Variants in ANKRD50 observed in about 807,000 individuals in gnomAD.
ANKRD50 encodes the protein ankyrin repeat domain-containing protein 50.
ANKRD50 carries 40 observed loss-of-function variants against 112.0 expected under a neutral mutation model. The observed-to-expected ratio is 0.36, with a 90% CI of 0.28 to 0.46. ANKRD50 has a LOEUF of 0.46. ANKRD50 is among the 20% of genes least tolerant of loss of function. The pLI is 1.00. For synonymous variants in ANKRD50, 613 were observed against 619.1 expected (o/e 0.99, Z 0.15); for missense variants, 1,487 against 1,701.7 (o/e 0.87, Z 2.22).
chr4:124,687,829 T>G (rs1025708242), intron 2 of ANKRD50, among the ~76,000 whole-genome samples: 7 of 152,134 alleles, frequency 4.6e-5, no homozygotes, highest in African/African-American at 1.7e-4. Context: ...AGACACCTAT[T>G]AGAATTGTGC....
chr4:124,682,409 T>G (rs1441005960), intron 2 of ANKRD50, among the ~76,000 whole-genome samples: 1 of 151,900 alleles, frequency 6.6e-6, no homozygotes, highest in Admixed American at 6.6e-5. Context: ...TTAGGTTGAT[T>G]CGGTAACAGT....
Position 124,669,943 on chromosome 4 carries a change from G to A in ANKRD50, c.3334C>T (p.Pro1112Ser). 1 of 1,612,946 alleles carries A rather than the reference G, an allele frequency of 6.2e-7. No individual in the cohort carries two copies. The highest frequency in any genetic ancestry group is 8.5e-7 in the Non-Finnish European group (1 of 1,179,688). The change falls in exon 4 of 5, where the codon CCT (proline) becomes TCT (serine). Residue 1112 changes from proline (P) to serine (S), a missense_variant. This residue lies in a region of ANKRD50 where 441 missense variants were observed against 432.2 expected (regional missense o/e 1.02). Transcript: ENST00000504087. ...ASSLNGCSPS[P>S]VHTMEQKPLQ... ...GGTTTTTGCTCCATTGTGTGAACAG[G>A]AGATGGGGAACAGCCATTCAAACTA...
chr4:124,712,095 G>A (rs1391583687), intron 1 of ANKRD50, among the ~76,000 whole-genome samples: 2 of 152,142 alleles, frequency 1.3e-5, no homozygotes, highest in African/African-American at 2.4e-5. Flanking sequence ...ACCTCAGAGA[G>A]GCCACGAGCG....
rs974700422 is a variant in ANKRD50, at chr4:124,664,436, A to G, written c.*3082T>C. 2 of 152,368 alleles carry G rather than the reference A, an allele frequency of 1.3e-5. No homozygotes were observed. Among genetic ancestry groups the G allele is most frequent in the African/African-American group, 2.4e-5 (1 of 41,420 alleles). The allele number at this position is 152,368 out of a possible 1,614,324, so 9.4% of individuals were successfully genotyped here. Reference sequence around the variant, plus strand: ...ACTAACAGTTGTTTATGCTATATGCATATCATGCATGTTCTACTGGTTCAA... The same window carrying G: ...ACTAACAGTTGTTTATGCTATATGCGTATCATGCATGTTCTACTGGTTCAA... On this transcript the variant is annotated 3_prime_UTR_variant, in exon 5 of 5. Coordinates refer to ENST00000504087, the MANE Select transcript of ANKRD50 (RefSeq NM_020337.3).
At position 124,669,052 on chromosome 4, in the gene ANKRD50, CTTGT is replaced by C. The variant is rs745801835; in HGVS notation, c.4221_4224del (p.Gln1408LeufsTer2). ...GAACCTTCAATCTGAAGCTTCAGAG[CTTGT>C]TTAAGGCTTAATTCTGTCTCTGAGG... On this transcript the variant is annotated frameshift_variant, in exon 4 of 5. Coordinates refer to ENST00000504087, the MANE Select transcript of ANKRD50 (RefSeq NM_020337.3). LOFTEE classifies it low-confidence loss of function (END_TRUNC). 9 of 1,613,080 alleles carry C rather than the reference CTTGT, an allele frequency of 5.6e-6. No homozygotes were observed. The highest frequency in any genetic ancestry group is 1.1e-5 in the South Asian group (1 of 90,898).
intron 2 of ANKRD50, among the ~76,000 whole-genome samples, chr4:124,703,389 C>T (rs774543709): frequency 6.6e-6 from 1 of 152,026 alleles, no homozygotes. Context: ...AGCGCTTGCA[C>T]ATACGAACTC....
chr4:124,690,191 C>A (rs530712198), intron 2 of ANKRD50, among the ~76,000 whole-genome samples: 1 of 152,084 alleles, frequency 6.6e-6, no homozygotes. Flanking sequence ...TTGGAATATG[C>A]CAAAATGTGG....
Position 124,671,478 on chromosome 4 carries a change from C to T in ANKRD50, c.1799G>A (p.Cys600Tyr), listed in dbSNP as rs1242996090. ...ATCAGTATGATTAATATTTGCTCCACACCCAATCAAACAATTAACCACCTT... is the reference window on the plus strand; with the variant it reads ...ATCAGTATGATTAATATTTGCTCCATACCCAATCAAACAATTAACCACCTT... ...HTKVVNCLIGCGANINHTDQD... is the reference protein window; with the variant it reads ...HTKVVNCLIGYGANINHTDQD... Residue 600 changes from cysteine (C) to tyrosine (Y), a missense_variant, in exon 4 of 5, where the codon TGT (cysteine) becomes TAT (tyrosine). By Grantham distance (194) the Cys-to-Tyr change is radical. Coordinates refer to ENST00000504087, the MANE Select transcript of ANKRD50 (RefSeq NM_020337.3). The T allele has an allele frequency of 6.2e-7, 1 of 1,613,774 alleles. No homozygotes were observed. Among genetic ancestry groups the T allele is most frequent in the East Asian group, 2.2e-5 (1 of 44,842 alleles).
intron 2 of ANKRD50, among the ~76,000 whole-genome samples, chr4:124,699,962 C>CT (rs1261212252): frequency 2.0e-5 from 3 of 152,080 alleles, no homozygotes; most frequent in African/African-American, 7.2e-5. Flanking sequence ...AGCAAATACT[C>CT]TGTTATGCCA....
At chr4:124,691,210 A>G (rs1287927834) in intron 2 of ANKRD50, among the ~76,000 whole-genome samples, 1 of 152,202 alleles carries the variant, frequency 6.6e-6, no homozygotes, top group African/African-American at 2.4e-5. Context: ...AAAGGAGAAC[A>G]GGCCGGGCGT....
At chr4:124,680,392 A>G (rs1724854597) in intron 2 of ANKRD50, among the ~76,000 whole-genome samples, 1 of 152,190 alleles carries the variant, frequency 6.6e-6, no homozygotes, top group Non-Finnish European at 1.5e-5. Context: ...ATAAAAAGAA[A>G]TGACCAACTT....
At chr4:124,677,311 C>T (rs2110512087) in intron 3 of ANKRD50, among the ~76,000 whole-genome samples, 1 of 151,660 alleles carries the variant, frequency 6.6e-6, no homozygotes, top group East Asian at 1.9e-4. Flanking sequence ...AGCACATGTG[C>T]ACAAGAATAC....
Position 124,694,514 on chromosome 4 carries a change from C to T in ANKRD50, c.512+15486G>A, listed in dbSNP as rs562226350. 4.6e-5 allele frequency among the ~76,000 whole-genome samples: 7 copies of T among 152,204 alleles called. No homozygotes were observed. The South Asian group carries it at 6.2e-4, about 14-fold the overall frequency. The stretch of plus-strand genomic sequence containing the variant: ...GGAAGTAAAGGGAATACAAGTTCTC[C>T]CACTTCTAGCAACAGGACTCAGGCT... On this transcript the variant is annotated intron_variant, in intron 2 of 4. Transcript: ENST00000504087.
chr4:124,669,253 A>T lies in ANKRD50; in HGVS notation c.4024T>A (p.Ser1342Thr). 1 of 1,613,732 alleles carries T rather than the reference A, an allele frequency of 6.2e-7. No individual in the cohort carries two copies. The highest frequency in any genetic ancestry group is 8.5e-7 in the Non-Finnish European group (1 of 1,179,826). The change falls in exon 4 of 5, where the codon TCT (serine) becomes ACT (threonine). Residue 1342 changes from serine (S) to threonine (T), a missense_variant. Around this residue, in one of 2 missense-constraint regions of ANKRD50, gnomAD observed 441 missense variants for 432.2 expected, o/e 1.02. Coordinates refer to ENST00000504087, the MANE Select transcript of ANKRD50 (RefSeq NM_020337.3). ...TGGTGAATAAGAAACTGCTGTTGAG[A>T]TCGACCAATTTCCTGCTGAGCTGAA... ...IPSAQQEIGRSQQQFLIHQQS... is the reference protein window; with the variant it reads ...IPSAQQEIGRTQQQFLIHQQS...
Position 124,677,564 on chromosome 4 carries a change from G to A in ANKRD50, c.742+1112C>T, listed in dbSNP as rs77882970. On this transcript the variant is annotated intron_variant, in intron 3 of 4. Coordinates refer to ENST00000504087, the MANE Select transcript of ANKRD50 (RefSeq NM_020337.3). ...TTTCTGAAGCACTTACTATGTATTAGGCATTGTCTTAAGTGCTTCATATGT... is the reference window on the plus strand; with the variant it reads ...TTTCTGAAGCACTTACTATGTATTAAGCATTGTCTTAAGTGCTTCATATGT... Among the ~76,000 whole-genome samples, 233 of 151,914 alleles carry A rather than the reference G, an allele frequency of 1.5e-3. No individual in the cohort carries two copies. The East Asian group carries it at 0.034, about 22-fold the overall frequency.
intron 3 of ANKRD50, among the ~76,000 whole-genome samples, chr4:124,674,361 A>G (rs1214402771): frequency 6.6e-6 from 1 of 151,984 alleles, no homozygotes; most frequent in Non-Finnish European, 1.5e-5. Flanking sequence ...GATTATTAAG[A>G]CAGAAACTCC....
chr4:124,701,210 G>A (rs547404782), intron 2 of ANKRD50, among the ~76,000 whole-genome samples: 62 of 152,090 alleles, frequency 4.1e-4, no homozygotes, highest in Non-Finnish European at 7.4e-4. Context: ...TGATCTGCCC[G>A]CCTCGGCCTC....
chr4:124,700,132 C>G (rs1301038658), intron 2 of ANKRD50, among the ~76,000 whole-genome samples: 1 of 152,118 alleles, frequency 6.6e-6, no homozygotes, highest in East Asian at 1.9e-4. Flanking sequence ...GGAAAGCTCT[C>G]TGAGGAGGCA....
At position 124,700,487 on chromosome 4, in the gene ANKRD50, T is replaced by C. The variant is rs187516050; in HGVS notation, c.512+9513A>G. Among the ~76,000 whole-genome samples, 18 of 152,268 alleles carry C rather than the reference T, an allele frequency of 1.2e-4. No individual in the cohort carries two copies. In the East Asian group the frequency reaches 2.7e-3, roughly 23 times the overall value. On this transcript the variant is annotated intron_variant, in intron 2 of 4. Transcript: ENST00000504087. Reference sequence around the variant, plus strand: ...CAATAGAAAATGGGAGTAGTAGTGATAGAGATAGAGAGAAGTGGAGGTATT... The same window carrying C: ...CAATAGAAAATGGGAGTAGTAGTGACAGAGATAGAGAGAAGTGGAGGTATT...
Sources: gnomAD v4.1 joint callset for allele counts (sites outside exome capture counted in the v4.1 genomes callset) on GRCh38, gnomAD v4.1.1 for gene constraint, gnomAD v4.1.1 regional missense constraint, MANE v1.5 for transcripts, NCBI Gene and HGNC (gene_info 2026-07-23, HGNC 2026-07-21) for gene names.